Variants in TOP2B observed in about 807,000 individuals in gnomAD.
The protein encoded by TOP2B is DNA topoisomerase II beta.
A neutral mutation model predicts 193.5 loss-of-function variants in TOP2B; 51 were observed. The ratio of observed to expected loss-of-function variants is 0.26; its 90% CI spans 0.21 to 0.33. The LOEUF is 0.33. Ranked by LOEUF, TOP2B falls within the 10% of genes least tolerant of loss-of-function variation. TOP2B has a pLI of 1.00. For missense variants in TOP2B, 1,378 were observed against 1,909.3 expected, an observed-to-expected ratio of 0.72 and a Z score of 5.19; for synonymous variants, 634 against 635.7, an observed-to-expected ratio of 1.00 and a Z score of 0.04.
At chr3:25,659,368 T>C (rs1703842727) in intron 1 of TOP2B, among the ~76,000 whole-genome samples, 1 of 152,240 alleles carries the variant, frequency 6.6e-6, no homozygotes, top group Non-Finnish European at 1.5e-5. Flanking sequence ...AGACTTCTGC[T>C]ATGAAAATAG....
rs2125345556 is a variant in TOP2B, at chr3:25,604,799, T to C, written c.4450A>G (p.Thr1484Ala). The change falls in exon 33 of 36, where the codon ACA becomes GCA. Residue 1484 changes from threonine to alanine, a missense_variant. Around this residue, in one of 9 missense-constraint regions of TOP2B, gnomAD observed 556 missense variants for 584.2 expected, o/e 0.95. Coordinates refer to ENST00000264331, the MANE Select transcript of TOP2B (RefSeq NM_001330700.2). Reference protein sequence around the residue: ...VFSPSFGLKQTDKVPSKTVAA... With the variant: ...VFSPSFGLKQADKVPSKTVAA... ...ACCGTTTTACTTGGAACTTTATCTG[T>C]CTGTTTCAGACCAAATGATGGTGAA... 3 of 1,613,096 alleles carry C rather than the reference T, an allele frequency of 1.9e-6. No individual in the cohort carries two copies. Among genetic ancestry groups the C allele is most frequent in the Non-Finnish European group, 8.5e-7 (1 of 1,179,412 alleles).
At chr3:25,618,171 T>G (rs1290378710) in intron 25 of TOP2B, 1 of 432,018 alleles carries the variant, frequency 2.3e-6, no homozygotes, top group East Asian at 3.7e-5. Context: ...CTGAGCTACC[T>G]TCTCACACCT....
chr3:25,627,368 G>T, intron 15 of TOP2B, 72 bp from the exon 16 acceptor site: 2 of 999,214 alleles, frequency 2.0e-6, no homozygotes, highest in Non-Finnish European at 2.9e-6. Flanking sequence ...TAAAAAGCTG[G>T]TGGAAAAGTT....
At chr3:25,660,835 C>A (rs1703889120) in intron 1 of TOP2B, among the ~76,000 whole-genome samples, 2 of 152,180 alleles carry the variant, frequency 1.3e-5, no homozygotes, top group South Asian at 4.1e-4. Context: ...AAAAATGTGA[C>A]TTTTGAGAAA....
In TOP2B at chr3:25,623,547, G is replaced by A. The variant is rs770579247; in HGVS notation, c.2695C>T (p.Arg899Ter). The A allele has an allele frequency of 6.2e-7, 1 of 1,613,872 alleles. No individual in the cohort carries two copies. The highest frequency in any genetic ancestry group is 1.1e-5 in the South Asian group (1 of 91,084). ...TGAGGATCCAGGCCATCTAGCATTC[G>A]TCTGACATTGTTCACAATTTCCCTA... ...DAREIVNNVR[R>*]MLDGLDPHPM... The change falls in exon 21 of 36, where the codon CGA becomes TGA. Residue 899 changes from arginine to a stop codon, truncating the protein, a stop_gained. Coordinates refer to ENST00000264331, the MANE Select transcript of TOP2B (RefSeq NM_001330700.2). LOFTEE classifies it high-confidence loss of function.
chr3:25,650,953 C>T (rs549081042), intron 1 of TOP2B, among the ~76,000 whole-genome samples: 27 of 152,236 alleles, frequency 1.8e-4, no homozygotes, highest in Admixed American at 5.2e-4. Context: ...CTGACAGGGG[C>T]TCTTTTCCAA....
At chr3:25,631,037 T>G (rs895365535) in intron 10 of TOP2B, 98 bp from the exon 11 acceptor site, 2 of 1,098,604 alleles carry the variant, frequency 1.8e-6, no homozygotes, top group African/African-American at 3.3e-5. Context: ...TCTGTGCAAT[T>G]TTAAGGTATT....
At chr3:25,642,473 T>G in intron 3 of TOP2B, 88 bp from the exon 4 acceptor site, 1 of 691,330 alleles carries the variant, frequency 1.4e-6, no homozygotes, top group African/African-American at 1.8e-5. Context: ...CTGCTTAATA[T>G]AAACATCTAC....
At chr3:25,644,699 T>TG (rs1226657950) in intron 2 of TOP2B, among the ~76,000 whole-genome samples, 3 of 22,420 alleles carry the variant, frequency 1.3e-4, no homozygotes, top group Non-Finnish European at 2.7e-4. Flanking sequence ...AGACACGGGG[T>TG]GGGGGGGCAT....
chr3:25,623,214 C>T (rs1021111813), intron 21 of TOP2B, among the ~76,000 whole-genome samples: 8 of 152,276 alleles, frequency 5.3e-5, no homozygotes, highest in Non-Finnish European at 1.2e-4. Flanking sequence ...CAAGGTTACA[C>T]ATAATTTTAT....
At chr3:25,624,643 T>A (rs368322797) in intron 19 of TOP2B, 39 bp downstream of exon 19, 2 of 1,605,766 alleles carry the variant, frequency 1.2e-6, no homozygotes, top group East Asian at 4.5e-5. Flanking sequence ...TTCAAGACAA[T>A]AATTACAGTT....
intron 18 of TOP2B, 97 bp downstream of exon 18, chr3:25,626,463 T>A (rs1389459162): frequency 1.6e-6 from 1 of 642,748 alleles, no homozygotes; most frequent in Admixed American, 3.8e-5. Context: ...AGATTTAAAG[T>A]AAGAATTTTA....
chr3:25,645,235 C>G, intron 2 of TOP2B, 65 bp downstream of exon 2: 3 of 1,352,490 alleles, frequency 2.2e-6, no homozygotes, highest in Non-Finnish European at 3.0e-6. Context: ...ATAATTTTAT[C>G]AACATATTAA....
In TOP2B at chr3:25,630,487, T is replaced by G; in HGVS notation, c.1406-18A>C. On this transcript the variant is annotated intron_variant, in intron 11 of 35. Coordinates refer to ENST00000264331, the MANE Select transcript of TOP2B (RefSeq NM_001330700.2). Reference sequence around the variant, plus strand: ...TTTACCACCTGAGAGAAATTTAAAATTATACATAGTAAAAATTTCTCATAC... The same window carrying G: ...TTTACCACCTGAGAGAAATTTAAAAGTATACATAGTAAAAATTTCTCATAC... 6 of 1,504,900 alleles carry G rather than the reference T, an allele frequency of 4.0e-6. No homozygotes were observed. The highest frequency in any genetic ancestry group is 5.3e-6 in the Non-Finnish European group (6 of 1,126,498). The allele number at this position is 1,504,900 out of a possible 1,614,324, so 93.2% of individuals were successfully genotyped here. A position where few individuals can be genotyped will look rare whatever the true frequency, so the allele number is the denominator to read the frequency against.
At chr3:25,643,622 T>C in intron 3 of TOP2B, 72 bp downstream of exon 3, 1 of 1,148,188 alleles carries the variant, frequency 8.7e-7, no homozygotes, top group Non-Finnish European at 1.3e-6. Flanking sequence ...TGGTTAAGTC[T>C]GGCTTTATAT....
intron 5 of TOP2B, 86 bp from the exon 6 acceptor site, chr3:25,637,398 G>T: frequency 1.1e-6 from 1 of 892,628 alleles, no homozygotes; most frequent in Non-Finnish European, 1.7e-6. Flanking sequence ...CAAGGCTGTT[G>T]CAAAACTGTT....
Position 25,644,142 on chromosome 3 carries a change from T to C in TOP2B, c.241-358A>G, listed in dbSNP as rs375942933. On this transcript the variant is annotated intron_variant, in intron 2 of 35. Transcript: ENST00000264331. Reference sequence around the variant, plus strand: ...TAATACAGGGAGCAGAGTAAAATAATACGAACAAAGCAAGACTTTGGAGTC... The same window carrying C: ...TAATACAGGGAGCAGAGTAAAATAACACGAACAAAGCAAGACTTTGGAGTC... Among the ~76,000 whole-genome samples, 16 of 150,666 alleles carry C rather than the reference T, an allele frequency of 1.1e-4. No individual in the cohort carries two copies. In the East Asian group the frequency reaches 2.0e-3, roughly 18 times the overall value.
At chr3:25,600,543 T>C (rs1333404589) in intron 34 of TOP2B, among the ~76,000 whole-genome samples, 1 of 152,176 alleles carries the variant, frequency 6.6e-6, no homozygotes, top group Non-Finnish European at 1.5e-5. Context: ...TATCCTTCAG[T>C]TGAATAAAAG....
intron 2 of TOP2B, among the ~76,000 whole-genome samples, chr3:25,644,776 T>C (rs971298427): frequency 1.3e-5 from 2 of 151,828 alleles, no homozygotes; most frequent in Non-Finnish European, 2.9e-5. Flanking sequence ...ACCATTTTAC[T>C]CTATACTTCA....
Sources: allele counts gnomAD v4.1 joint callset (sites outside exome capture counted in the v4.1 genomes callset), GRCh38; gene constraint gnomAD v4.1.1; regional missense constraint gnomAD v4.1.1; transcripts MANE v1.5; gene names NCBI Gene and HGNC (gene_info 2026-07-23, HGNC 2026-07-21).